RBL2: variants seen among roughly 807,000 people sequenced by gnomAD.
RBL2 encodes RB transcriptional corepressor like 2, also known as retinoblastoma-like protein 2.
RBL2 carries 56 observed loss-of-function variants against 126.0 expected under a neutral mutation model. The ratio of observed to expected loss-of-function variants is 0.44; its 90% confidence interval spans 0.36 to 0.56. RBL2 has a LOEUF of 0.56. Among genes scored for constraint, RBL2 ranks in the 20% least tolerant of loss-of-function variants. The pLI is 0.00. For synonymous variants in RBL2, 454 were observed against 478.5 expected, an observed-to-expected ratio of 0.95 and a Z score of 0.67; for missense variants, 1,229 against 1,398.2, an observed-to-expected ratio of 0.88 and a Z score of 1.93.
chr16:53,480,080 G>T (rs1160029254), intron 19 of RBL2, 89 bp downstream of exon 19: 4 of 834,550 alleles, frequency 4.8e-6, no homozygotes, highest in Non-Finnish European at 7.5e-6. Flanking sequence ...ATTACTAAAT[G>T]AAATAACTAT....
chr16:53,466,500 C>A (rs898830397), intron 13 of RBL2, among the ~76,000 whole-genome samples: 2 of 151,840 alleles, frequency 1.3e-5, no homozygotes, highest in Non-Finnish European at 2.9e-5. Flanking sequence ...TTTCCTGCAA[C>A]TAGATGGTCC....
chr16:53,470,537 A>C lies in RBL2; in HGVS notation c.2400A>C (p.Gln800His). The C allele has an allele frequency of 6.2e-7, 1 of 1,614,160 alleles. No individual in the cohort carries two copies. Among genetic ancestry groups the C allele is most frequent in the Non-Finnish European group, 8.5e-7 (1 of 1,180,034 alleles). Residue 800 changes from glutamine (Q) to histidine (H), a missense_variant, in exon 16 of 22, where the codon CAA becomes CAC. By Grantham distance (24) the Gln-to-His change is conservative (BLOSUM62 0). Coordinates refer to ENST00000262133, the MANE Select transcript of RBL2 (RefSeq NM_005611.4). The part of the protein sequence containing the change: ...SSQQVTGTTL[Q>H]VPGQVAIQQI... ...AACAGGTGACAGGAACAACTTTGCA[A>C]GTCCCTGGTCAAGTGGCCATTCAAC...
chr16:53,454,333 T>C (rs1163899404), intron 7 of RBL2: 1 of 391,754 alleles, frequency 2.6e-6, no homozygotes, highest in Admixed American at 3.2e-5. Context: ...GCCTCCTGAG[T>C]AGCTGTGAAT....
intron 17 of RBL2, 121 bp downstream of exon 17, chr16:53,471,043 T>A: frequency 9.9e-7 from 1 of 1,011,520 alleles, no homozygotes; most frequent in Non-Finnish European, 1.4e-6. Flanking sequence ...AATGCACAAC[T>A]AAATGGGTCT....
intron 13 of RBL2, chr16:53,466,246 T>C (rs2058271385): frequency 6.6e-6 from 1 of 152,180 alleles, no homozygotes; most frequent in Non-Finnish European, 1.5e-5. Context: ...TCAGTGTTCT[T>C]TCTTGATTTC....
intron 17 of RBL2, among the ~76,000 whole-genome samples, chr16:53,477,180 C>A (rs16952267): frequency 6.6e-6 from 1 of 152,006 alleles, no homozygotes; most frequent in African/African-American, 2.4e-5. Context: ...TTAACTGTTT[C>A]GTTACACATA....
In RBL2 at chr16:53,451,824, T is replaced by C. The variant is rs199920381; in HGVS notation, c.759T>C (p.Asn253=). The C allele has an allele frequency of 1.2e-6, 2 of 1,613,644 alleles. No individual in the cohort carries two copies. The highest frequency in any genetic ancestry group is 3.3e-5 in the Admixed American group (2 of 60,000). Residue 253 remains asparagine, a synonymous_variant, in exon 5 of 22, where the codon AAT becomes AAC. Transcript: ENST00000262133. The part of the protein sequence containing the change: ...CSNRKELVNP[N]FKGLSEDFHA... ...ATCGTAAAGAACTTGTGAACCCTAA[T>C]TTTAAAGGTAGGTTTGTAAATCAAA...
In RBL2 at chr16:53,462,718, C is replaced by G. The variant is rs996552415; in HGVS notation, c.1560+63C>G. The G allele has an allele frequency of 1.4e-5, 16 of 1,125,910 alleles. No individual in the cohort carries two copies. In the African/African-American group the frequency reaches 2.3e-4, roughly 16 times the overall value. The allele number at this position is 1,125,910 out of a possible 1,614,324, so 69.7% of individuals were successfully genotyped here. A position where few individuals can be genotyped will look rare whatever the true frequency, so the allele number is the denominator to read the frequency against. ...AACATAATTTCCTTCCTGCCCTATT[C>G]TGTGGGTTGTTTTTTTTACTTTATA... On this transcript the variant is annotated intron_variant, in intron 11 of 21. Coordinates refer to ENST00000262133, the MANE Select transcript of RBL2 (RefSeq NM_005611.4).
At position 53,467,154 on chromosome 16, in the gene RBL2, G is replaced by A. The variant is rs1210548735; in HGVS notation, c.1960G>A (p.Gly654Arg). ...GGTGACTGAAGTTCGTGCTGATACT[G>A]GAGGACTTGGAAGGAGTAAGTTTAA... ...RRVTEVRADT[G>R]GLGRSITSPT... The change falls in exon 14 of 22, where the codon GGA becomes AGA. Residue 654 changes from glycine to arginine, a missense_variant. By Grantham distance (125) the Gly-to-Arg change is moderately radical. This residue lies in a region of RBL2 where 1,070 missense variants were observed against 1,274.3 expected (regional missense o/e 0.84). Transcript: ENST00000262133. 23 of 1,612,186 alleles carry A rather than the reference G, an allele frequency of 1.4e-5. No homozygotes were observed. Among genetic ancestry groups the A allele is most frequent in the Non-Finnish European group, 2.0e-5 (23 of 1,178,556 alleles).
At chr16:53,461,652 T>A (rs2058222351) in intron 9 of RBL2, 89 bp from the exon 10 acceptor site, 1 of 870,966 alleles carries the variant, frequency 1.1e-6, no homozygotes, top group African/African-American at 1.7e-5. Context: ...TGTTTTATAT[T>A]TACATGTTAG....
intron 14 of RBL2, among the ~76,000 whole-genome samples, chr16:53,469,691 AC>A (rs1270460006): frequency 2.0e-5 from 3 of 152,228 alleles, no homozygotes; most frequent in Non-Finnish European, 4.4e-5. Context: ...ACACTGCAAG[AC>A]AAAAAATTCC....
chr16:53,451,806 A>G lies in RBL2; in HGVS notation c.741A>G (p.Lys247=). 1 of 1,613,838 alleles carries G rather than the reference A, an allele frequency of 6.2e-7. No homozygotes were observed. The change falls in exon 5 of 22, where the codon AAA becomes AAG. Residue 247 remains lysine (K), a synonymous_variant. Coordinates refer to ENST00000262133, the MANE Select transcript of RBL2 (RefSeq NM_005611.4). ...YGNALQCSNR[K]ELVNPNFKGL... is the part of the protein sequence containing the mutation. The stretch of plus-strand genomic sequence containing the variant: ...ATGCACTTCAGTGTTCTAATCGTAA[A>G]GAACTTGTGAACCCTAATTTTAAAG...
At chr16:53,457,952 G>A (rs188412362) in intron 8 of RBL2, among the ~76,000 whole-genome samples, 6 of 152,152 alleles carry the variant, frequency 3.9e-5, no homozygotes, top group African/African-American at 1.2e-4. Flanking sequence ...TTCCCTCCCA[G>A]TGCCTCCCAA....
intron 19 of RBL2, 55 bp downstream of exon 19, chr16:53,480,046 T>A (rs1473526815): frequency 8.0e-7 from 1 of 1,245,564 alleles, no homozygotes; most frequent in African/African-American, 1.5e-5. Context: ...TCTTACTTTT[T>A]AGGCCTTGAA....
intron 14 of RBL2, among the ~76,000 whole-genome samples, chr16:53,469,663 G>T (rs943836459): frequency 1.3e-5 from 2 of 152,222 alleles, no homozygotes; most frequent in Non-Finnish European, 2.9e-5. Context: ...ATTTGGGAAA[G>T]GGGGCGTGGA....
At chr16:53,489,059 T>TAAAAAA (rs5816895) in intron 21 of RBL2, 1 of 142,464 alleles carries the variant, frequency 7.0e-6, no homozygotes. Context: ...TATTGTTAAT[T>TAAAAAA]AAAAAAAAAA....
intron 1 of RBL2, chr16:53,435,709 C>G (rs2057952209): frequency 7.8e-7 from 1 of 1,288,854 alleles, no homozygotes; most frequent in Non-Finnish European, 1.0e-6. Context: ...TAGAAAGAGT[C>G]GGGCAAATAG....
Position 53,459,926 on chromosome 16 carries a change from G to C in RBL2, c.1346+309G>C, listed in dbSNP as rs77669782. The stretch of plus-strand genomic sequence containing the variant: ...TCAGGGAGTGGTGAGGTGGGGGCGG[G>C]GGGAAGCTCAGTGATGATGGGAATT... On this transcript the variant is annotated intron_variant, in intron 9 of 21. Coordinates refer to ENST00000262133, the MANE Select transcript of RBL2 (RefSeq NM_005611.4). Among the ~76,000 whole-genome samples the C allele has an allele frequency of 2.0e-3, 299 of 151,982 alleles. 6 individuals carry two copies. The East Asian group carries it at 0.028, about 14-fold the overall frequency.
Position 53,451,716 on chromosome 16 carries a change from G to C in RBL2, c.651G>C (p.Met217Ile). ...LFIYAKGNFP[M>I]ISDDLVNSYH... ...ATAATCCTGCAGGTAATTTCCCCAT[G>C]ATTAGTGATGATTTGGTCAATTCTT... The change falls in exon 5 of 22, where the codon ATG becomes ATC. Residue 217 changes from methionine to isoleucine, a missense_variant. By Grantham distance (10) the Met-to-Ile change is conservative. Coordinates refer to ENST00000262133, the MANE Select transcript of RBL2 (RefSeq NM_005611.4). 1 of 1,612,906 alleles carries C rather than the reference G, an allele frequency of 6.2e-7. No individual in the cohort carries two copies. The highest frequency in any genetic ancestry group is 8.5e-7 in the Non-Finnish European group (1 of 1,179,166).
Sources: allele counts gnomAD v4.1 joint callset (sites outside exome capture counted in the v4.1 genomes callset), GRCh38; gene constraint gnomAD v4.1.1; regional missense constraint gnomAD v4.1.1; transcripts MANE v1.5; gene names NCBI Gene and HGNC (gene_info 2026-07-23, HGNC 2026-07-21).